Variants in SHLD1 observed in about 807,000 individuals in gnomAD.
SHLD1 encodes RINN1-REV7-interacting novel NHEJ regulator 3.
In SHLD1, 3 loss-of-function variants were observed where a neutral mutation model predicts 5.5. The observed-to-expected ratio is 0.54, with a 90% confidence interval of 0.25 to 1.40. SHLD1 has a LOEUF of 1.40. SHLD1 is among the 40% of genes most tolerant of loss of function. SHLD1 has a pLI of 0.15. For missense variants in SHLD1, 210 were observed against 244.4 expected (o/e 0.86, Z 0.94); for synonymous variants, 92 against 94.3 (o/e 0.98, Z 0.14).
chr20:5,834,273 T>A (rs1256675228), intron 2 of SHLD1, among the ~76,000 whole-genome samples: 1 of 152,222 alleles, frequency 6.6e-6, no homozygotes, highest in African/African-American at 2.4e-5. Flanking sequence ...GGTTCTCCTA[T>A]CCTGTGAGTC....
At chr20:5,767,270 A>C (rs1224701222) in intron 1 of SHLD1, among the ~76,000 whole-genome samples, 1 of 151,964 alleles carries the variant, frequency 6.6e-6, no homozygotes. Context: ...AGTTGCTGGG[A>C]CTACAGGCAT....
Position 5,828,897 on chromosome 20 carries a change from G to A in SHLD1, c.179-34127G>A, listed in dbSNP as rs6053732. 8.9e-4 allele frequency among the ~76,000 whole-genome samples: 136 copies of A among 152,220 alleles called. 1 individual carries two copies. The highest frequency in any genetic ancestry group is 3.2e-3 in the African/African-American group (132 of 41,538). On this transcript the variant is annotated intron_variant, in intron 2 of 2. Transcript: ENST00000303142. Reference sequence around the variant, plus strand: ...TTGTCATTATTATTATTTTGAGATAGGATCTCTCTTTGTTACCCAGGCTGG... The same window carrying A: ...TTGTCATTATTATTATTTTGAGATAAGATCTCTCTTTGTTACCCAGGCTGG...
intron 2 of SHLD1, among the ~76,000 whole-genome samples, chr20:5,818,644 A>C (rs916886530): frequency 6.6e-6 from 1 of 152,178 alleles, no homozygotes; most frequent in Non-Finnish European, 1.5e-5. Flanking sequence ...GAAATGCTCA[A>C]ATTTGTCTCC....
At chr20:5,826,896 C>A (rs574524890) in intron 2 of SHLD1, among the ~76,000 whole-genome samples, 288 of 150,952 alleles carry the variant, frequency 1.9e-3, no homozygotes, top group African/African-American at 6.7e-3. Context: ...GTCATCGCCC[C>A]TCCCTCATAT....
At chr20:5,802,500 G>A (rs1297683101) in intron 2 of SHLD1, among the ~76,000 whole-genome samples, 3 of 152,150 alleles carry the variant, frequency 2.0e-5, no homozygotes, top group African/African-American at 7.2e-5. Context: ...ATGAGATGCA[G>A]TGATACTTAC....
chr20:5,829,637 C>T (rs145545538), intron 2 of SHLD1, among the ~76,000 whole-genome samples: 111 of 152,260 alleles, frequency 7.3e-4, no homozygotes, highest in African/African-American at 2.6e-3. Context: ...TGCCTCTTTT[C>T]GGCCTTAATA....
intron 2 of SHLD1, among the ~76,000 whole-genome samples, chr20:5,801,760 C>T (rs1480862325): frequency 6.6e-6 from 1 of 152,134 alleles, no homozygotes; most frequent in Non-Finnish European, 1.5e-5. Flanking sequence ...AGAGTACTCT[C>T]ACAGGAATAA....
At position 5,864,215 on chromosome 20, in the gene SHLD1, G is replaced by A. The variant is rs146746965; in HGVS notation, c.*752G>A. On this transcript the variant is annotated 3_prime_UTR_variant, in exon 3 of 3. Transcript: ENST00000303142. ...CATTTGGACAATCTAAAATAACAGCGAAAATTCACAATTCTTTTTAAAATC... is the reference window on the plus strand; with the variant it reads ...CATTTGGACAATCTAAAATAACAGCAAAAATTCACAATTCTTTTTAAAATC... Among the ~76,000 whole-genome samples, 10 of 152,240 alleles carry A rather than the reference G, an allele frequency of 6.6e-5. No individual in the cohort carries two copies. In the East Asian group the frequency reaches 1.4e-3, roughly 21 times the overall value.
At chr20:5,857,882 G>A (rs571372362) in intron 2 of SHLD1, among the ~76,000 whole-genome samples, 1 of 152,104 alleles carries the variant, frequency 6.6e-6, no homozygotes, top group African/African-American at 2.4e-5. Context: ...GGTGGATCAC[G>A]AGGTCAGGAG....
chr20:5,827,333 G>T (rs2087678145), intron 2 of SHLD1, among the ~76,000 whole-genome samples: 1 of 152,148 alleles, frequency 6.6e-6, no homozygotes, highest in Admixed American at 6.5e-5. Flanking sequence ...GCCTCCTCTT[G>T]GCTCCCAACC....
intron 2 of SHLD1, among the ~76,000 whole-genome samples, chr20:5,792,481 A>T (rs1417246724): frequency 1.3e-5 from 2 of 151,982 alleles, no homozygotes; most frequent in Non-Finnish European, 1.5e-5. Context: ...GTACAGTGGC[A>T]TGATCTCGGC....
intron 2 of SHLD1, 54 bp downstream of exon 2, chr20:5,773,097 G>C (rs1231948070): frequency 6.4e-7 from 1 of 1,571,448 alleles, no homozygotes; most frequent in Non-Finnish European, 8.8e-7. Flanking sequence ...CAGCAATACG[G>C]GTGTGTGATA....
intron 2 of SHLD1, among the ~76,000 whole-genome samples, chr20:5,788,988 T>A (rs906851558): frequency 2.1e-4 from 32 of 151,738 alleles, no homozygotes; most frequent in Non-Finnish European, 2.9e-5. Context: ...CAAAAAATTA[T>A]CTGGGCATAG....
At chr20:5,844,788 TA>T (rs1199338898) in intron 2 of SHLD1, among the ~76,000 whole-genome samples, 1,947 of 106,656 alleles carry the variant, frequency 0.018, 55 homozygotes, top group African/African-American at 0.071. Context: ...TATATATATA[TA>T]TATATATATA....
intron 2 of SHLD1, among the ~76,000 whole-genome samples, chr20:5,849,567 C>T (rs1297140071): frequency 1.3e-5 from 2 of 152,216 alleles, no homozygotes; most frequent in African/African-American, 4.8e-5. Context: ...AGCCCCACTC[C>T]TCCAGCACCA....
At chr20:5,786,574 C>G (rs1193187848) in intron 2 of SHLD1, among the ~76,000 whole-genome samples, 2 of 144,104 alleles carry the variant, frequency 1.4e-5, no homozygotes, top group African/African-American at 5.3e-5. Flanking sequence ...GACCTCATCT[C>G]TTTTAAATTA....
chr20:5,837,901 A>G (rs567275868), intron 2 of SHLD1, among the ~76,000 whole-genome samples: 1 of 152,372 alleles, frequency 6.6e-6, no homozygotes, highest in African/African-American at 2.4e-5. Flanking sequence ...ATTGAAAAGA[A>G]TTCTCATATA....
chr20:5,817,428 CTCTCTGTGTGTGTGTGTG>C lies in SHLD1; in HGVS notation c.178+44387_178+44404del, dbSNP rs1221928097. ...TCTCTCTCTCTCTCTCTCTCTCTCT[CTCTCTGTGTGTGTGTGTG>C]TGTGTGTGTGTGTGTGTGTGTGTGT... On this transcript the variant is annotated intron_variant, in intron 2 of 2. Coordinates refer to ENST00000303142, the MANE Select transcript of SHLD1 (RefSeq NM_152504.4). Among the ~76,000 whole-genome samples the C allele has an allele frequency of 8.0e-4, 90 of 111,982 alleles. 1 individual carries two copies. The highest frequency in any genetic ancestry group is 5.2e-3 in the Admixed American group (61 of 11,830). 73.5% of individuals were successfully genotyped at this position (111,982 alleles called of 152,430 possible).
chr20:5,777,255 T>C lies in SHLD1; in HGVS notation c.178+4212T>C, dbSNP rs142486663. 5.4e-3 allele frequency among the ~76,000 whole-genome samples: 828 copies of C among 152,182 alleles called. 10 individuals carry two copies. The highest frequency in any genetic ancestry group is 0.019 in the African/African-American group (784 of 41,538). On this transcript the variant is annotated intron_variant, in intron 2 of 2. Transcript: ENST00000303142. ...CCACCTGCCTCAGCCTCCCAAAGTG[T>C]TGGGATTACAGGTGTGAGCCACCAC...
Sources: gnomAD v4.1 joint callset for allele counts (sites outside exome capture counted in the v4.1 genomes callset) on GRCh38, gnomAD v4.1.1 for gene constraint, MANE v1.5 for transcripts, NCBI Gene and HGNC (gene_info 2026-07-23, HGNC 2026-07-21) for gene names.